Variants in CSNK1G1 observed in about 807,000 individuals in gnomAD.
The protein encoded by CSNK1G1 is casein kinase 1 gamma 1.
In CSNK1G1, 22 loss-of-function variants were observed where a neutral mutation model predicts 59.6. The observed-to-expected ratio is 0.37, with a 90% CI of 0.26 to 0.53. The LOEUF is 0.53. Among genes scored for constraint, CSNK1G1 ranks in the 20% least tolerant of loss-of-function variants. CSNK1G1 has a pLI of 0.89. For synonymous variants in CSNK1G1, 179 were observed against 177.1 expected (o/e 1.01, Z -0.08); for missense variants, 384 against 519.5 (o/e 0.74, Z 2.54).
In CSNK1G1 at chr15:64,166,357, G is replaced by A; in HGVS notation, c.*5574C>T. 1 of 206,824 alleles carries A rather than the reference G, an allele frequency of 4.8e-6. No homozygotes were observed. Among genetic ancestry groups the A allele is most frequent in the Non-Finnish European group, 9.6e-6 (1 of 104,676 alleles). 12.8% of individuals were successfully genotyped at this position (206,824 alleles called of 1,614,324 possible). A position where few individuals can be genotyped will look rare whatever the true frequency, so the allele number is the denominator to read the frequency against. On this transcript the variant is annotated 3_prime_UTR_variant, in exon 12 of 12. Coordinates refer to ENST00000303052, the MANE Select transcript of CSNK1G1 (RefSeq NM_022048.5). The surrounding 1 kb of genome is among the most constrained non-coding windows in gnomAD (Gnocchi z 4.5). The stretch of plus-strand genomic sequence containing the variant: ...TTTTTGGTTTATCTTTATCTTTTCT[G>A]CTGTTATTTTTTTTCTCTGCTTGAT...
chr15:64,194,938 T>C (rs1040055335), intron 10 of CSNK1G1: 2 of 152,236 alleles, frequency 1.3e-5, no homozygotes, highest in African/African-American at 4.8e-5. Context: ...GACTCTTAAA[T>C]TCTGCGTTTA....
At chr15:64,180,279 A>G (rs2081794385) in intron 11 of CSNK1G1, 69 bp downstream of exon 11, 1 of 1,117,798 alleles carries the variant, frequency 8.9e-7, no homozygotes, top group Middle Eastern at 2.0e-4. Context: ...CGAGCAGCAC[A>G]CAGAGAGGAA....
intron 10 of CSNK1G1, among the ~76,000 whole-genome samples, chr15:64,183,595 C>T (rs2081849203): frequency 6.6e-6 from 1 of 151,890 alleles, no homozygotes; most frequent in South Asian, 2.1e-4. Flanking sequence ...TAAGACAAGG[C>T]AAATGACCAT....
intron 6 of CSNK1G1, among the ~76,000 whole-genome samples, chr15:64,208,258 G>A (rs2082207900): frequency 6.6e-6 from 1 of 152,146 alleles, no homozygotes; most frequent in South Asian, 2.1e-4. Context: ...AGCTACTTAA[G>A]AGGCTGACGT....
chr15:64,330,438 C>T (rs1442956819), intron 1 of CSNK1G1, among the ~76,000 whole-genome samples: 1 of 150,590 alleles, frequency 6.6e-6, no homozygotes, highest in African/African-American at 2.4e-5. Flanking sequence ...ATGATTATCT[C>T]AATAGATGCA....
At chr15:64,229,313 C>T (rs933431292) in intron 4 of CSNK1G1, among the ~76,000 whole-genome samples, 2 of 152,068 alleles carry the variant, frequency 1.3e-5, no homozygotes, top group Non-Finnish European at 2.9e-5. Flanking sequence ...GTACCATTTC[C>T]CCAGTGTTAC....
In CSNK1G1 at chr15:64,188,873, A is replaced by C. The variant is rs1030726852; in HGVS notation, c.1108-8419T>G. ...TTCGGAGTGGTGGCATACGCCTATA[A>C]TCTCAGCACTTTGGGAGGCCAAGGT... On this transcript the variant is annotated intron_variant, in intron 10 of 11. Coordinates refer to ENST00000303052, the MANE Select transcript of CSNK1G1 (RefSeq NM_022048.5). This position sits in a 1 kb window ranked among gnomAD's most constrained non-coding sequence, Gnocchi z 4.2. Among the ~76,000 whole-genome samples the C allele has an allele frequency of 2.6e-5, 4 of 152,206 alleles. No individual in the cohort carries two copies. The highest frequency in any genetic ancestry group is 9.6e-5 in the African/African-American group (4 of 41,460).
intron 10 of CSNK1G1, chr15:64,195,005 T>C (rs528316366): frequency 1.3e-5 from 2 of 152,352 alleles, no homozygotes; most frequent in Non-Finnish European, 2.9e-5. Flanking sequence ...TTTGGAAGGA[T>C]GAGAGATTAC....
chr15:64,233,392 G>C (rs7174675), intron 4 of CSNK1G1, among the ~76,000 whole-genome samples: 9,368 of 151,970 alleles, frequency 0.062, 884 homozygotes, highest in African/African-American at 0.21. Flanking sequence ...CCTTTCCCCA[G>C]TGCAAAATTC....
chr15:64,169,781 AATGAC>A lies in CSNK1G1; in HGVS notation c.*2145_*2149del, dbSNP rs2081644294. 4 of 152,298 alleles carry A rather than the reference AATGAC, an allele frequency of 2.6e-5. 1 individual carries two copies. The South Asian group carries it at 8.3e-4, about 32-fold the overall frequency. The allele number at this position is 152,298 out of a possible 1,614,324, so 9.4% of individuals were successfully genotyped here. A position where few individuals can be genotyped will look rare whatever the true frequency, so the allele number is the denominator to read the frequency against. ...TTTCATATATAGAAACATTTATAGA[AATGAC>A]ATATTACCATCTTTTCATAAGCTAA... On this transcript the variant is annotated 3_prime_UTR_variant, in exon 12 of 12. Coordinates refer to ENST00000303052, the MANE Select transcript of CSNK1G1 (RefSeq NM_022048.5).
At chr15:64,186,495 T>TTTTTGTTTTG (rs111659966) in intron 10 of CSNK1G1, among the ~76,000 whole-genome samples, 143 of 152,008 alleles carry the variant, frequency 9.4e-4, no homozygotes, top group African/African-American at 2.7e-3. Flanking sequence ...AAAATTGAGT[T>TTTTTGTTTTG]TTTTGTTTTG....
chr15:64,280,974 G>A (rs746152736), intron 2 of CSNK1G1, among the ~76,000 whole-genome samples: 1 of 151,988 alleles, frequency 6.6e-6, no homozygotes, highest in Non-Finnish European at 1.5e-5. Flanking sequence ...CCGCCTCCTG[G>A]GTTCACGCCA....
chr15:64,336,545 C>T (rs931265921), intron 1 of CSNK1G1, among the ~76,000 whole-genome samples: 2 of 152,058 alleles, frequency 1.3e-5, no homozygotes, highest in Non-Finnish European at 2.9e-5. Flanking sequence ...TCACTTTGAG[C>T]CCAGGAGTTC....
intron 4 of CSNK1G1, among the ~76,000 whole-genome samples, chr15:64,227,770 C>T (rs976500307): frequency 6.6e-6 from 1 of 152,086 alleles, no homozygotes; most frequent in Non-Finnish European, 1.5e-5. Context: ...AAATAAAAAC[C>T]CTGAGAAATA....
intron 2 of CSNK1G1, among the ~76,000 whole-genome samples, chr15:64,289,288 G>A (rs970360901): frequency 5.9e-5 from 9 of 151,842 alleles, no homozygotes; most frequent in Admixed American, 2.0e-4. Context: ...TGCAAGTATT[G>A]TATCTGTGAC....
intron 2 of CSNK1G1, among the ~76,000 whole-genome samples, chr15:64,279,920 C>T (rs138222782): frequency 1.3e-5 from 2 of 149,820 alleles, no homozygotes; most frequent in African/African-American, 4.9e-5. Flanking sequence ...TGTGGTATGC[C>T]GAGATCGCAC....
chr15:64,338,796 T>A (rs1290820455), intron 1 of CSNK1G1, among the ~76,000 whole-genome samples: 1 of 146,592 alleles, frequency 6.8e-6, no homozygotes, highest in African/African-American at 2.5e-5. Flanking sequence ...AGCTGGTGGA[T>A]CACCTGAAGT....
chr15:64,206,037 T>C (rs2082174649), intron 7 of CSNK1G1, among the ~76,000 whole-genome samples: 3 of 152,228 alleles, frequency 2.0e-5, no homozygotes, highest in Admixed American at 6.5e-5. Context: ...CCAGGCGCGA[T>C]GGCTCATGCC....
At chr15:64,202,589 C>T (rs1218101663) in intron 10 of CSNK1G1, among the ~76,000 whole-genome samples, 3 of 151,068 alleles carry the variant, frequency 2.0e-5, no homozygotes, top group Non-Finnish European at 4.4e-5. Context: ...CACTCTATCA[C>T]TCAGGCTGGA....
Sources: gnomAD v4.1 joint callset for allele counts (sites outside exome capture counted in the v4.1 genomes callset) on GRCh38, gnomAD v4.1.1 for gene constraint, Gnocchi (gnomAD v3.1) non-coding constraint, MANE v1.5 for transcripts, NCBI Gene and HGNC (gene_info 2026-07-23, HGNC 2026-07-21) for gene names.